Variants in DOCK3 observed in about 807,000 individuals in gnomAD.
DOCK3 encodes dedicator of cytokinesis 3, also known as dedicator of cytokinesis protein 3.
DOCK3 carries 60 observed loss-of-function variants against 265.6 expected under a neutral mutation model. The ratio of observed to expected loss-of-function variants is 0.23; its 90% CI spans 0.18 to 0.28. The LOEUF (loss-of-function observed/expected upper bound fraction) is 0.28, where lower values mean the gene tolerates loss of function less well. Among genes scored for constraint, DOCK3 ranks in the 10% least tolerant of loss-of-function variants. The probability of loss-of-function intolerance (pLI) is 1.00; values close to 1 mark genes in which losing one functional copy is unlikely to be tolerated. For synonymous variants in DOCK3, 881 were observed against 938.0 expected, an observed-to-expected ratio of 0.94 and a Z score of 1.11; for missense variants, 1,981 against 2,594.3, an observed-to-expected ratio of 0.76 and a Z score of 5.14.
At chr3:50,721,438 AAT>A (rs1335870092) in intron 1 of DOCK3, among the ~76,000 whole-genome samples, 1 of 152,192 alleles carries the variant, frequency 6.6e-6, no homozygotes, top group Admixed American at 6.5e-5. Flanking sequence ...CCATTTATTG[AAT>A]AGGGAGTTCT....
At chr3:51,336,241 T>C (rs1463514373) in intron 35 of DOCK3, among the ~76,000 whole-genome samples, 1 of 152,166 alleles carries the variant, frequency 6.6e-6, no homozygotes. Flanking sequence ...TCTTTAACTT[T>C]TGTGTGAATC....
chr3:51,360,628 C>G lies in DOCK3; in HGVS notation c.5002C>G (p.His1668Asp). Reference protein sequence around the residue: ...SPESIKMTHRHSPMNLMGTGR... With the variant: ...SPESIKMTHRDSPMNLMGTGR... ...GGAGAGCATCAAGATGACCCACCGGCACAGGTATGGCCTTAGGGCTGGGGA... is the reference window on the plus strand; with the variant it reads ...GGAGAGCATCAAGATGACCCACCGGGACAGGTATGGCCTTAGGGCTGGGGA... Residue 1668 changes from histidine (H) to aspartate (D), a missense_variant, in exon 47 of 53, where the codon CAC (histidine) becomes GAC (aspartate). Physicochemically the swap from His to Asp is moderately conservative, Grantham distance 81 (BLOSUM62 -1). This residue lies in a region of DOCK3 where 1,357 missense variants were observed against 1,866.8 expected (regional missense o/e 0.73). Coordinates refer to ENST00000266037, the MANE Select transcript of DOCK3 (RefSeq NM_004947.5). The G allele has an allele frequency of 6.2e-7, 1 of 1,613,856 alleles. No homozygotes were observed. Among genetic ancestry groups the G allele is most frequent in the Admixed American group, 1.7e-5 (1 of 60,020 alleles).
At chr3:51,327,088 A>G (rs1283392639) in intron 32 of DOCK3, among the ~76,000 whole-genome samples, 1 of 152,076 alleles carries the variant, frequency 6.6e-6, no homozygotes, top group African/African-American at 2.4e-5. Context: ...AATCCAGACT[A>G]CCTTTTCTGT....
intron 12 of DOCK3, among the ~76,000 whole-genome samples, chr3:51,199,265 A>C (rs904536046): frequency 1.3e-5 from 2 of 152,236 alleles, no homozygotes; most frequent in African/African-American, 4.8e-5. Context: ...GCAAGGGGTC[A>C]GGGAGTTCCG....
At chr3:50,758,103 G>A (rs1036290539) in intron 1 of DOCK3, among the ~76,000 whole-genome samples, 8 of 140,988 alleles carry the variant, frequency 5.7e-5, no homozygotes, top group Non-Finnish European at 1.1e-4. Flanking sequence ...GCATGAACCC[G>A]GGAGGTGGAG....
chr3:50,833,821 T>A (rs1038163590), intron 2 of DOCK3, among the ~76,000 whole-genome samples: 90 of 152,328 alleles, frequency 5.9e-4, no homozygotes, highest in African/African-American at 1.8e-3. Flanking sequence ...TTACTGCACT[T>A]ATGCAAATAA....
At chr3:51,106,929 A>T (rs1166631229) in intron 9 of DOCK3, among the ~76,000 whole-genome samples, 1 of 152,212 alleles carries the variant, frequency 6.6e-6, no homozygotes, top group African/African-American at 2.4e-5. Context: ...CCACCACCAT[A>T]TGAAGTACTT....
rs867813031 is a variant in DOCK3, at chr3:50,739,725, G to C, written c.38-38950G>C. ...TTGGTTACTGCACAGTCCTGGATTT[G>C]AATTCTGTTTTTTTCTTCTTACTAG... On this transcript the variant is annotated intron_variant, in intron 1 of 52. Transcript: ENST00000266037. Among the ~76,000 whole-genome samples the C allele has an allele frequency of 1.2e-4, 18 of 152,156 alleles. No homozygotes were observed. The South Asian group carries it at 1.5e-3, about 12-fold the overall frequency.
chr3:51,259,556 A>T (rs1259769064), intron 22 of DOCK3, among the ~76,000 whole-genome samples: 2 of 152,234 alleles, frequency 1.3e-5, no homozygotes, highest in Non-Finnish European at 2.9e-5. Flanking sequence ...TGAACTGCTT[A>T]TAGCAGATGT....
chr3:51,029,149 T>C (rs2079936295), intron 5 of DOCK3, among the ~76,000 whole-genome samples: 1 of 152,232 alleles, frequency 6.6e-6, no homozygotes, highest in Non-Finnish European at 1.5e-5. Context: ...TTCTCTTCAT[T>C]TCTGCATGCT....
At chr3:51,153,627 G>A (rs767819968) in intron 10 of DOCK3, among the ~76,000 whole-genome samples, 8 of 152,064 alleles carry the variant, frequency 5.3e-5, no homozygotes, top group Admixed American at 1.3e-4. Flanking sequence ...GTTCCTATTC[G>A]GCTATCTTGG....
At chr3:50,930,958 C>A (rs1371132853) in intron 4 of DOCK3, among the ~76,000 whole-genome samples, 2 of 152,144 alleles carry the variant, frequency 1.3e-5, no homozygotes, top group African/African-American at 4.8e-5. Flanking sequence ...AGGGCAGTGA[C>A]TTGGGGACAG....
intron 5 of DOCK3, among the ~76,000 whole-genome samples, chr3:50,970,120 C>T (rs546458058): frequency 6.6e-6 from 1 of 152,146 alleles, no homozygotes; most frequent in African/African-American, 2.4e-5. Context: ...GAAAATAGGA[C>T]CCAGTCTCTT....
intron 5 of DOCK3, among the ~76,000 whole-genome samples, chr3:51,000,716 G>A (rs978681740): frequency 1.3e-5 from 2 of 151,968 alleles, no homozygotes; most frequent in Middle Eastern, 3.2e-3. Context: ...GTAGTGGCGC[G>A]ATCTTGGCTC....
intron 12 of DOCK3, among the ~76,000 whole-genome samples, chr3:51,190,802 G>A (rs1461080276): frequency 6.6e-6 from 1 of 152,168 alleles, no homozygotes; most frequent in African/African-American, 2.4e-5. Flanking sequence ...GACAAAGCCA[G>A]GTGGGAGCTG....
At chr3:51,006,402 A>C (rs1207302529) in intron 5 of DOCK3, among the ~76,000 whole-genome samples, 1 of 152,154 alleles carries the variant, frequency 6.6e-6, no homozygotes, top group African/African-American at 2.4e-5. Flanking sequence ...CCAACTACCC[A>C]CTGTACCCCT....
chr3:51,224,423 T>C (rs1242314233), intron 14 of DOCK3, among the ~76,000 whole-genome samples: 1 of 152,178 alleles, frequency 6.6e-6, no homozygotes, highest in Non-Finnish European at 1.5e-5. Flanking sequence ...CTTCCATTAT[T>C]AGAGAGGTAG....
chr3:51,079,186 T>C (rs1386641867), intron 7 of DOCK3, among the ~76,000 whole-genome samples: 1 of 152,152 alleles, frequency 6.6e-6, no homozygotes, highest in Non-Finnish European at 1.5e-5. Context: ...AAAAATCCTG[T>C]ATGAATAAGA....
chr3:50,949,122 C>T lies in DOCK3; in HGVS notation c.315+15045C>T, dbSNP rs922388229. On this transcript the variant is annotated intron_variant, in intron 5 of 52. Transcript: ENST00000266037. ...CCTAACCTTAGGATAGGCTAGATTT[C>T]GTAGGACATCAGAAGCACAAACTAT... is the stretch of plus-strand genomic sequence containing the variant. Among the ~76,000 whole-genome samples, 12 of 152,042 alleles carry T rather than the reference C, an allele frequency of 7.9e-5. No homozygotes were observed. The South Asian group carries it at 1.0e-3, about 13-fold the overall frequency.
Sources: allele counts gnomAD v4.1 joint callset (sites outside exome capture counted in the v4.1 genomes callset), GRCh38; gene constraint gnomAD v4.1.1; regional missense constraint gnomAD v4.1.1; transcripts MANE v1.5; gene names NCBI Gene and HGNC (gene_info 2026-07-23, HGNC 2026-07-21).